The following RALGPS1 variants were observed in gnomAD, a reference collection of about 807,000 sequenced individuals.
RALGPS1 encodes ras-specific guanine nucleotide-releasing factor RalGPS1.
RALGPS1 carries 19 observed loss-of-function variants against 78.8 expected under a neutral mutation model. The ratio of observed to expected loss-of-function variants is 0.24; its 90% confidence interval spans 0.17 to 0.35. RALGPS1 has a LOEUF of 0.35. Among genes scored for constraint, RALGPS1 ranks in the 10% least tolerant of loss-of-function variants. RALGPS1 has a pLI of 1.00. For missense variants in RALGPS1, 454 were observed against 688.3 expected (o/e 0.66, Z 3.81); for synonymous variants, 228 against 256.3 (o/e 0.89, Z 1.06).
chr9:127,192,262 T>G (rs563380865), intron 11 of RALGPS1, among the ~76,000 whole-genome samples: 1 of 151,390 alleles, frequency 6.6e-6, no homozygotes, highest in South Asian at 2.1e-4. Context: ...GTGCAGCAAG[T>G]GAGGAGGGAA....
intron 8 of RALGPS1, chr9:127,108,814 T>A: frequency 1.4e-6 from 2 of 1,387,942 alleles, no homozygotes; most frequent in Non-Finnish European, 1.9e-6. Flanking sequence ...TCAGTGATGG[T>A]CCCACCACTG....
intron 8 of RALGPS1, chr9:127,108,411 C>T: frequency 6.2e-7 from 1 of 1,608,912 alleles, no homozygotes; most frequent in Non-Finnish European, 8.5e-7. Flanking sequence ...CCACCAGCTG[C>T]TGCAGCGTCT....
At chr9:126,944,629 T>A (rs2037091679) in intron 1 of RALGPS1, among the ~76,000 whole-genome samples, 1 of 151,772 alleles carries the variant, frequency 6.6e-6, no homozygotes, top group Admixed American at 6.6e-5. Context: ...GAATCCTTAA[T>A]TTTTTTTTAA....
chr9:127,091,675 T>G lies in RALGPS1; in HGVS notation c.610+22319T>G. Reference sequence around the variant, plus strand: ...TTTGACTCCACTTTTCCTACCTGTGTAGACATCATGATCTCTGTCCAGGGT... The same window carrying G: ...TTTGACTCCACTTTTCCTACCTGTGGAGACATCATGATCTCTGTCCAGGGT... On this transcript the variant is annotated intron_variant, in intron 8 of 18. Transcript: ENST00000259351. The surrounding 1 kb of genome is among the most constrained non-coding windows in gnomAD (Gnocchi z 4.3). The G allele has an allele frequency of 1.2e-5, 20 of 1,613,638 alleles. No individual in the cohort carries two copies. Among genetic ancestry groups the G allele is most frequent in the Non-Finnish European group, 1.6e-5 (19 of 1,179,928 alleles).
At chr9:126,947,807 C>G (rs2037422157) in intron 1 of RALGPS1, among the ~76,000 whole-genome samples, 1 of 152,192 alleles carries the variant, frequency 6.6e-6, no homozygotes, top group African/African-American at 2.4e-5. Flanking sequence ...CAGGTGTGCT[C>G]TGAGCCTTGT....
In RALGPS1 at chr9:126,977,678, A is replaced by G; in HGVS notation, c.166-17A>G. On this transcript the variant is annotated splice_polypyrimidine_tract_variant and intron_variant, in intron 3 of 18. Coordinates refer to ENST00000259351, the MANE Select transcript of RALGPS1 (RefSeq NM_014636.3). ...TGATGTACAGTATTTTCTAAAATTG[A>G]TTCTCTTTTGTTGCAGAGCCAGATT... is the stretch of plus-strand genomic sequence containing the variant. The G allele has an allele frequency of 6.4e-7, 1 of 1,566,536 alleles. No homozygotes were observed.
intron 11 of RALGPS1, among the ~76,000 whole-genome samples, chr9:127,187,062 A>T (rs965896371): frequency 6.6e-6 from 1 of 152,196 alleles, no homozygotes; most frequent in Non-Finnish European, 1.5e-5. Context: ...TCCGCGTCTC[A>T]CTGCACCCCT....
chr9:126,917,212 G>C (rs2034263874), intron 1 of RALGPS1, among the ~76,000 whole-genome samples: 1 of 152,138 alleles, frequency 6.6e-6, no homozygotes, highest in South Asian at 2.1e-4. Context: ...GGATCTAGAA[G>C]CAGCATGTGA....
intron 8 of RALGPS1, among the ~76,000 whole-genome samples, chr9:127,148,192 AG>A (rs1163797040): frequency 6.6e-6 from 1 of 152,252 alleles, no homozygotes; most frequent in Non-Finnish European, 1.5e-5. Context: ...GCGGTTGCCC[AG>A]AAGATAAGCA....
At chr9:127,173,592 T>G (rs767471896) in intron 10 of RALGPS1, among the ~76,000 whole-genome samples, 3 of 152,210 alleles carry the variant, frequency 2.0e-5, no homozygotes, top group Non-Finnish European at 2.9e-5. Flanking sequence ...TCTGTCATTT[T>G]CACCCAGAAG....
chr9:127,212,848 A>G lies in RALGPS1; in HGVS notation c.1447-96A>G. 6.3e-7 allele frequency: 1 copy of G among 1,580,838 alleles called. No individual in the cohort carries two copies. The highest frequency in any genetic ancestry group is 1.1e-5 in the South Asian group (1 of 88,494). ...CGGAGGATGCAGGTGGGAAGGCGGCAGGGGAGGGAGGAAGCCTTGCCTGGC... is the reference window on the plus strand; with the variant it reads ...CGGAGGATGCAGGTGGGAAGGCGGCGGGGGAGGGAGGAAGCCTTGCCTGGC... On this transcript the variant is annotated intron_variant, in intron 16 of 18. Coordinates refer to ENST00000259351, the MANE Select transcript of RALGPS1 (RefSeq NM_014636.3). The surrounding 1 kb of genome is among the most constrained non-coding windows in gnomAD (Gnocchi z 6.0).
At chr9:127,050,817 G>A (rs969679703) in intron 6 of RALGPS1, among the ~76,000 whole-genome samples, 1 of 152,166 alleles carries the variant, frequency 6.6e-6, no homozygotes, top group African/African-American at 2.4e-5. Flanking sequence ...GCAGCATCGT[G>A]CTGGCTGTTT....
rs1185858194 is a variant in RALGPS1, at chr9:127,210,786, T to C, written c.1248-1345T>C. 9 of 1,542,690 alleles carry C rather than the reference T, an allele frequency of 5.8e-6. No homozygotes were observed. The Admixed American group carries it at 5.9e-5, about 10-fold the overall frequency. Reference sequence around the variant, plus strand: ...CCGGAGCTGTGTCTACAGGTATTCATGTGTTCATGTGTTCATTTGTTTGAC... The same window carrying C: ...CCGGAGCTGTGTCTACAGGTATTCACGTGTTCATGTGTTCATTTGTTTGAC... On this transcript the variant is annotated intron_variant, in intron 14 of 18. Transcript: ENST00000259351.
In RALGPS1 at chr9:127,084,572, C is replaced by T. The variant is rs564313386; in HGVS notation, c.610+15216C>T. Among the ~76,000 whole-genome samples the T allele has an allele frequency of 1.8e-4, 27 of 152,342 alleles. No individual in the cohort carries two copies. The South Asian group carries it at 4.8e-3, about 27-fold the overall frequency. On this transcript the variant is annotated intron_variant, in intron 8 of 18. Transcript: ENST00000259351. ...CCTGAGTCAGACAGGAGTGCTTATG[C>T]TGTCCCATGCCAGGCTGTGGGAATG...
intron 13 of RALGPS1, among the ~76,000 whole-genome samples, chr9:127,197,806 C>T (rs1427036462): frequency 2.0e-5 from 3 of 152,206 alleles, no homozygotes; most frequent in East Asian, 1.9e-4. Context: ...GTGCAGGTTT[C>T]TTCCCAGAGA....
At position 127,182,629 on chromosome 9, in the gene RALGPS1, A is replaced by G. The variant is rs1588406328; in HGVS notation, c.910+7847A>G. 3.9e-5 allele frequency among the ~76,000 whole-genome samples: 6 copies of G among 151,994 alleles called. 1 individual carries two copies. The highest frequency in any genetic ancestry group is 3.3e-4 in the Admixed American group (5 of 15,264). ...ATTTTTAGTAGAGATGGGTTTCACT[A>G]TGTTGGCCAGGCTGCTCTTGAACTC... On this transcript the variant is annotated intron_variant, in intron 11 of 18. Transcript: ENST00000259351.
At chr9:126,951,794 A>T (rs951489635) in intron 1 of RALGPS1, among the ~76,000 whole-genome samples, 1 of 152,232 alleles carries the variant, frequency 6.6e-6, no homozygotes, top group African/African-American at 2.4e-5. Context: ...ACTCCTATTC[A>T]ACATAGTGTT....
chr9:126,946,923 G>A (rs2037327939), intron 1 of RALGPS1, among the ~76,000 whole-genome samples: 2 of 152,104 alleles, frequency 1.3e-5, no homozygotes, highest in African/African-American at 4.8e-5. Flanking sequence ...TCTTCTGCAG[G>A]CACCTTGTTT....
chr9:127,161,432 G>C (rs2059011079), intron 8 of RALGPS1, among the ~76,000 whole-genome samples: 1 of 152,246 alleles, frequency 6.6e-6, no homozygotes, highest in Non-Finnish European at 1.5e-5. Flanking sequence ...CCACCCAGCT[G>C]GTGAGTGGGA....
Sources: gnomAD v4.1 joint callset for allele counts (sites outside exome capture counted in the v4.1 genomes callset) on GRCh38, gnomAD v4.1.1 for gene constraint, Gnocchi (gnomAD v3.1) non-coding constraint, MANE v1.5 for transcripts, NCBI Gene and HGNC (gene_info 2026-07-23, HGNC 2026-07-21) for gene names.